The following ORC4 variants were observed in gnomAD, a reference collection of about 807,000 sequenced individuals.
The protein encoded by ORC4 is origin recognition complex, subunit 4 homolog.
A neutral mutation model predicts 63.9 loss-of-function variants in ORC4; 55 were observed. That is an observed-to-expected ratio of 0.86 (90% CI 0.69 to 1.08). ORC4 has a LOEUF of 1.08. ORC4 is among the 50% of genes least tolerant of loss of function. The probability of loss-of-function intolerance (pLI) is 0.00; values close to 1 mark genes in which losing one functional copy is unlikely to be tolerated. For missense variants in ORC4, 511 were observed against 504.4 expected, an observed-to-expected ratio of 1.01 and a Z score of -0.13; for synonymous variants, 150 against 168.5, an observed-to-expected ratio of 0.89 and a Z score of 0.85.
intron 1 of ORC4, among the ~76,000 whole-genome samples, chr2:148,016,694 T>C (rs1693315032): frequency 6.6e-6 from 1 of 152,196 alleles, no homozygotes; most frequent in African/African-American, 2.4e-5. Flanking sequence ...GATTTTTACA[T>C]TACAGGAAAA....
chr2:148,002,109 G>C (rs191974818), intron 1 of ORC4, among the ~76,000 whole-genome samples: 1 of 152,194 alleles, frequency 6.6e-6, no homozygotes, highest in East Asian at 1.9e-4. Flanking sequence ...GATTCATAAA[G>C]CAAGTTCTTA....
intron 1 of ORC4, among the ~76,000 whole-genome samples, chr2:148,001,654 C>A (rs1558873745): frequency 6.6e-6 from 1 of 152,188 alleles, no homozygotes. Context: ...ACTGGAAAAA[C>A]ATACCAAATT....
intron 1 of ORC4, among the ~76,000 whole-genome samples, chr2:147,981,543 T>C (rs1427602118): frequency 6.6e-6 from 1 of 152,178 alleles, no homozygotes; most frequent in Non-Finnish European, 1.5e-5. Flanking sequence ...ACAGGGGAAC[T>C]CATAGAATGA....
In ORC4 at chr2:147,963,460, T is replaced by A. The variant is rs548949312; in HGVS notation, c.226-4594A>T. Among the ~76,000 whole-genome samples, 9 of 152,166 alleles carry A rather than the reference T, an allele frequency of 5.9e-5. No individual in the cohort carries two copies. The South Asian group carries it at 1.7e-3, about 28-fold the overall frequency. Reference sequence around the variant, plus strand: ...CCAGCTGAATAGCCTTGTGCCTGCATCCTAAACCTGAGAAACAATCCTGTG... The same window carrying A: ...CCAGCTGAATAGCCTTGTGCCTGCAACCTAAACCTGAGAAACAATCCTGTG... On this transcript the variant is annotated intron_variant, in intron 4 of 13. Transcript: ENST00000392857.
chr2:147,946,942 T>G (rs1264785445), intron 9 of ORC4, among the ~76,000 whole-genome samples: 1 of 152,014 alleles, frequency 6.6e-6, no homozygotes, highest in Non-Finnish European at 1.5e-5. Context: ...CTAATTACAT[T>G]TTGTTCAATA....
chr2:148,009,515 C>G (rs1692825275), intron 1 of ORC4, among the ~76,000 whole-genome samples: 1 of 152,104 alleles, frequency 6.6e-6, no homozygotes, highest in East Asian at 1.9e-4. Flanking sequence ...GGTTTTAATT[C>G]AGCAAGAGGA....
intron 7 of ORC4, among the ~76,000 whole-genome samples, chr2:147,954,438 G>A (rs1396512944): frequency 1.3e-5 from 2 of 152,108 alleles, no homozygotes; most frequent in Admixed American, 6.6e-5. Flanking sequence ...TTGCTCCTAG[G>A]CTATGAACCT....
chr2:147,973,781 TA>T (rs1314458038), intron 2 of ORC4, among the ~76,000 whole-genome samples: 1 of 152,194 alleles, frequency 6.6e-6, no homozygotes, highest in Non-Finnish European at 1.5e-5. Context: ...TCACTGACTT[TA>T]GCTATATTAG....
chr2:147,940,606 G>GTA (rs1470795399), intron 10 of ORC4, among the ~76,000 whole-genome samples: 1 of 151,474 alleles, frequency 6.6e-6, no homozygotes, highest in South Asian at 2.1e-4. Context: ...AGAAACTGTG[G>GTA]TATATATATA....
At chr2:147,957,142 T>C (rs1285309578) in intron 6 of ORC4, among the ~76,000 whole-genome samples, 1 of 147,702 alleles carries the variant, frequency 6.8e-6, no homozygotes, top group Non-Finnish European at 1.5e-5. Flanking sequence ...AATCTATAAT[T>C]ACATATAATA....
At chr2:147,974,868 G>A (rs1032915476) in intron 2 of ORC4, among the ~76,000 whole-genome samples, 2 of 149,764 alleles carry the variant, frequency 1.3e-5, no homozygotes, top group African/African-American at 4.9e-5. Context: ...CAGTAACGGG[G>A]TATAAAATAT....
intron 2 of ORC4, among the ~76,000 whole-genome samples, chr2:147,975,032 T>C (rs1690462026): frequency 6.6e-6 from 1 of 152,120 alleles, no homozygotes; most frequent in South Asian, 2.1e-4. Flanking sequence ...TAAAGCATAT[T>C]TCAGTTAAAA....
intron 1 of ORC4, among the ~76,000 whole-genome samples, chr2:148,005,050 T>C (rs1376511440): frequency 6.6e-6 from 1 of 152,196 alleles, no homozygotes; most frequent in East Asian, 1.9e-4. Flanking sequence ...GCAATCCCAT[T>C]ACTGGGTATA....
chr2:147,970,448 T>C (rs1464823199), intron 4 of ORC4, among the ~76,000 whole-genome samples: 1 of 152,018 alleles, frequency 6.6e-6, no homozygotes, highest in Non-Finnish European at 1.5e-5. Flanking sequence ...ACTAAAAATC[T>C]ACAGTAATCA....
chr2:147,943,404 G>A (rs1356551905), intron 10 of ORC4, 32 bp downstream of exon 10: 22 of 1,405,044 alleles, frequency 1.6e-5, no homozygotes, highest in Non-Finnish European at 2.1e-5. Flanking sequence ...CAAAAACAAA[G>A]CAACAAGCAA....
At chr2:148,012,748 G>GA (rs199966043) in intron 1 of ORC4, among the ~76,000 whole-genome samples, 320 of 149,962 alleles carry the variant, frequency 2.1e-3, no homozygotes, top group African/African-American at 5.9e-3. Context: ...GACTCAATAG[G>GA]AAAAAAAAAT....
intron 1 of ORC4, among the ~76,000 whole-genome samples, chr2:148,002,860 C>T (rs544407638): frequency 7.2e-5 from 11 of 152,196 alleles, no homozygotes; most frequent in Admixed American, 7.2e-4. Context: ...AATAGGTAGA[C>T]CGCTAGCCAG....
intron 1 of ORC4, among the ~76,000 whole-genome samples, chr2:147,981,164 T>C (rs528674963): frequency 2.0e-5 from 3 of 152,324 alleles, no homozygotes; most frequent in South Asian, 4.1e-4. Context: ...TAGTCTCTCC[T>C]TATCCATGGG....
chr2:147,973,581 T>A (rs965611021), intron 2 of ORC4, 57 bp from the exon 3 acceptor site: 88 of 985,216 alleles, frequency 8.9e-5, no homozygotes, highest in Non-Finnish European at 1.2e-4. Context: ...ATATAAAAAA[T>A]AAATAAGAAA....
Sources: gnomAD v4.1 joint callset for allele counts (sites outside exome capture counted in the v4.1 genomes callset) on GRCh38, gnomAD v4.1.1 for gene constraint, MANE v1.5 for transcripts, NCBI Gene and HGNC (gene_info 2026-07-23, HGNC 2026-07-21) for gene names.